The following CRTAC1 variants were observed in gnomAD, a reference collection of about 807,000 sequenced individuals.
The protein encoded by CRTAC1 is cartilage acidic protein 1, also known as acidic secreted protein in cartilage.
CRTAC1 carries 37 observed loss-of-function variants against 67.8 expected under a neutral mutation model. The observed-to-expected ratio is 0.55, with a 90% CI of 0.42 to 0.72. The LOEUF (loss-of-function observed/expected upper bound fraction) is 0.72. CRTAC1 is among the 30% of genes least tolerant of loss of function. The probability of loss-of-function intolerance (pLI) is 0.00; values close to 1 mark genes in which losing one functional copy is unlikely to be tolerated. For synonymous variants in CRTAC1, 348 were observed against 371.0 expected, an observed-to-expected ratio of 0.94 and a Z score of 0.71; for missense variants, 780 against 931.6, an observed-to-expected ratio of 0.84 and a Z score of 2.12.
chr10:97,936,018 G>C, intron 3 of CRTAC1, 152 bp downstream of exon 3: 2 of 676,374 alleles, frequency 3.0e-6, no homozygotes, highest in Non-Finnish European at 4.9e-6. Flanking sequence ...GTCATTCTGG[G>C]ACCCAGGGAG....
At chr10:97,942,909 A>G (rs2051198341) in intron 2 of CRTAC1, among the ~76,000 whole-genome samples, 1 of 152,060 alleles carries the variant, frequency 6.6e-6, no homozygotes, top group African/African-American at 2.4e-5. Flanking sequence ...CTACAAAAAA[A>G]TAAAATAAAA....
intron 13 of CRTAC1, 25 bp from the exon 14 acceptor site, chr10:97,880,417 C>G (rs1188575335): frequency 1.3e-5 from 21 of 1,606,576 alleles, no homozygotes; most frequent in Non-Finnish European, 1.8e-5. Context: ...GAACCACTCA[C>G]CATGAAGGTG....
intron 2 of CRTAC1, among the ~76,000 whole-genome samples, chr10:97,947,487 A>G (rs547764116): frequency 6.6e-6 from 1 of 152,370 alleles, no homozygotes; most frequent in East Asian, 1.9e-4. Context: ...ATGTTTAGGG[A>G]ATACGGGGTA....
chr10:97,875,245 T>C (rs2050133793), intron 14 of CRTAC1, among the ~76,000 whole-genome samples: 1 of 152,230 alleles, frequency 6.6e-6, no homozygotes, highest in Non-Finnish European at 1.5e-5. Context: ...TCTCTGGTAA[T>C]AAAATAGACT....
In CRTAC1 at chr10:97,880,367, T is replaced by C; in HGVS notation, c.1701A>G (p.Pro567=). The change falls in exon 14 of 15, where the codon CCA becomes CCG. Residue 567 remains proline, a synonymous_variant. Transcript: ENST00000370597. ...CMDTNECIQF[P]FVCPRDKPVC... is the part of the protein sequence containing the mutation. ...CGGGCTTGTCTCGAGGGCACACGAA[T>C]GGGAACTGGATGCATTCATTGGTGT... 6.2e-7 allele frequency: 1 copy of C among 1,614,118 alleles called. No homozygotes were observed. Among genetic ancestry groups the C allele is most frequent in the Non-Finnish European group, 8.5e-7 (1 of 1,179,954 alleles).
At chr10:98,012,321 G>A (rs1452040798) in intron 1 of CRTAC1, among the ~76,000 whole-genome samples, 1 of 152,112 alleles carries the variant, frequency 6.6e-6, no homozygotes, top group East Asian at 1.9e-4. Context: ...CCCCCCTTGA[G>A]TGAAAGCAAG....
intron 2 of CRTAC1, among the ~76,000 whole-genome samples, chr10:97,937,759 A>G (rs2051112271): frequency 2.0e-5 from 3 of 152,156 alleles, no homozygotes. Flanking sequence ...TGAATGTCTG[A>G]GGCCTCTTCC....
rs116371362 is a variant in CRTAC1 at position 97,928,322 on chromosome 10, C to T, written c.422-4922G>A. 4.4e-3 allele frequency among the ~76,000 whole-genome samples: 673 copies of T among 152,244 alleles called. 8 individuals carry two copies. Among genetic ancestry groups the T allele is most frequent in the African/African-American group, 0.015 (624 of 41,536 alleles). ...GGGGGCCAGGTGCTACACCAGATGCCGTTGGAGGCTGGGGGAAGTACGCCT... is the reference window on the plus strand; with the variant it reads ...GGGGGCCAGGTGCTACACCAGATGCTGTTGGAGGCTGGGGGAAGTACGCCT... On this transcript the variant is annotated intron_variant, in intron 3 of 14. Coordinates refer to ENST00000370597, the MANE Select transcript of CRTAC1 (RefSeq NM_018058.7).
chr10:97,877,107 T>G (rs1319455459), intron 14 of CRTAC1, among the ~76,000 whole-genome samples: 1 of 152,082 alleles, frequency 6.6e-6, no homozygotes, highest in Non-Finnish European at 1.5e-5. Flanking sequence ...TCTATCACAT[T>G]CCTCATGGGA....
At chr10:97,898,262 T>C (rs905491829) in intron 8 of CRTAC1, among the ~76,000 whole-genome samples, 2 of 151,894 alleles carry the variant, frequency 1.3e-5, no homozygotes, top group African/African-American at 4.8e-5. Flanking sequence ...GAGCTCAGAG[T>C]CCGTGTTAAC....
chr10:97,895,965 C>T lies in CRTAC1; in HGVS notation c.1237G>A (p.Asp413Asn), dbSNP rs772913100. Reference sequence around the variant, plus strand: ...ATGAGGTCCAGCATCCCGTCTCCGTCGAAGTCGGTCACCACACCCCCTACA... The same window carrying T: ...ATGAGGTCCAGCATCCCGTCTCCGTTGAAGTCGGTCACCACACCCCCTACA... ...RGTGGVVTDF[D>N]GDGMLDLILS... Residue 413 changes from aspartate to asparagine, a missense_variant, in exon 10 of 15, where the codon GAC becomes AAC. Physicochemically the swap from Asp to Asn is conservative, Grantham distance 23 (BLOSUM62 1). Coordinates refer to ENST00000370597, the MANE Select transcript of CRTAC1 (RefSeq NM_018058.7). This position sits in a 1 kb window ranked among gnomAD's most constrained non-coding sequence, Gnocchi z 4.2. The T allele has an allele frequency of 1.2e-5, 19 of 1,614,154 alleles. No homozygotes were observed. Among genetic ancestry groups the T allele is most frequent in the East Asian group, 4.5e-5 (2 of 44,874 alleles).
intron 2 of CRTAC1, among the ~76,000 whole-genome samples, chr10:97,938,824 G>C (rs1219482595): frequency 6.6e-6 from 1 of 152,204 alleles, no homozygotes; most frequent in Non-Finnish European, 1.5e-5. Context: ...TCTGTGAAAT[G>C]CAAGAGTTGG....
chr10:97,898,957 T>A (rs141947861), intron 8 of CRTAC1, among the ~76,000 whole-genome samples: 1 of 152,284 alleles, frequency 6.6e-6, no homozygotes, highest in Non-Finnish European at 1.5e-5. Flanking sequence ...AAGTGACTGT[T>A]TGGGTGCTGA....
At chr10:97,872,360 A>C (rs936933145) in intron 14 of CRTAC1, among the ~76,000 whole-genome samples, 2 of 152,328 alleles carry the variant, frequency 1.3e-5, no homozygotes, top group East Asian at 1.9e-4. Context: ...GGATGGATGC[A>C]GTGACCCCAG....
chr10:97,975,445 C>A lies in CRTAC1; in HGVS notation c.224+35693G>T, dbSNP rs1190015419. Among the ~76,000 whole-genome samples, 1 of 152,068 alleles carries A rather than the reference C, an allele frequency of 6.6e-6. No homozygotes were observed. The highest frequency in any genetic ancestry group is 6.5e-5 in the Admixed American group (1 of 15,280). On this transcript the variant is annotated intron_variant, in intron 2 of 14. Coordinates refer to ENST00000370597, the MANE Select transcript of CRTAC1 (RefSeq NM_018058.7). The surrounding 1 kb of genome is among the most constrained non-coding windows in gnomAD (Gnocchi z 4.8). Reference sequence around the variant, plus strand: ...GGCGGGATGGGGAGCCGGCAGACCTCGCTTTCTTCTTCTTCTTCAGGGAAG... The same window carrying A: ...GGCGGGATGGGGAGCCGGCAGACCTAGCTTTCTTCTTCTTCTTCAGGGAAG...
intron 14 of CRTAC1, chr10:97,878,535 C>G (rs1489743552): frequency 5.2e-6 from 6 of 1,145,794 alleles, no homozygotes; most frequent in Non-Finnish European, 6.7e-6. Flanking sequence ...TTTTTTTCCC[C>G]ATGAAGAATA....
At chr10:97,917,769 C>A in intron 4 of CRTAC1, 113 bp from the exon 5 acceptor site, 1 of 799,632 alleles carries the variant, frequency 1.3e-6, no homozygotes, top group Non-Finnish European at 1.8e-6. Flanking sequence ...GGGTTCTTCT[C>A]CCCAGGTCTG....
At position 98,029,488 on chromosome 10, in the gene CRTAC1, A is replaced by AGCG. The variant is rs796585183; in HGVS notation, c.24+960_24+961insCGC. 1.6e-3 allele frequency among the ~76,000 whole-genome samples: 192 copies of AGCG among 122,830 alleles called. No homozygotes were observed. Among genetic ancestry groups the AGCG allele is most frequent in the African/African-American group, 4.1e-3 (124 of 29,952 alleles). The allele number at this position is 122,830 out of a possible 152,430, so 80.6% of individuals were successfully genotyped here. A position where few individuals can be genotyped will look rare whatever the true frequency, so the allele number is the denominator to read the frequency against. On this transcript the variant is annotated intron_variant, in intron 1 of 14. Coordinates refer to ENST00000370597, the MANE Select transcript of CRTAC1 (RefSeq NM_018058.7). This position sits in a 1 kb window ranked among gnomAD's most constrained non-coding sequence, Gnocchi z 4.7. ...CACACTGGGTGCACCCACCAGCAGC[A>AGCG]GCAGCGGCGGCGGCGGCGGCGGCGG...
intron 2 of CRTAC1, among the ~76,000 whole-genome samples, chr10:98,006,042 A>C (rs1247848591): frequency 6.6e-6 from 1 of 152,250 alleles, no homozygotes. Context: ...CATGATTTAA[A>C]CTTTACAACC....
Sources: gnomAD v4.1 joint callset for allele counts (sites outside exome capture counted in the v4.1 genomes callset) on GRCh38, gnomAD v4.1.1 for gene constraint, Gnocchi (gnomAD v3.1) non-coding constraint, MANE v1.5 for transcripts, NCBI Gene and HGNC (gene_info 2026-07-23, HGNC 2026-07-21) for gene names.